THSD7A: variants seen among roughly 807,000 people sequenced by gnomAD.
THSD7A encodes the protein thrombospondin type-1 domain-containing protein 7A.
A neutral mutation model predicts 231.3 loss-of-function variants in THSD7A; 96 were observed. The ratio of observed to expected loss-of-function variants is 0.41; its 90% confidence interval spans 0.35 to 0.49. The LOEUF (loss-of-function observed/expected upper bound fraction) is 0.49. Among genes scored for constraint, THSD7A ranks in the 20% least tolerant of loss-of-function variants. THSD7A has a pLI of 0.05. For synonymous variants in THSD7A, 940 were observed against 743.3 expected, an observed-to-expected ratio of 1.26 and a Z score of -4.30; for missense variants, 2,290 against 2,070.2, an observed-to-expected ratio of 1.11 and a Z score of -2.06.
chr7:11,422,656 A>T (rs1784187869), intron 16 of THSD7A, among the ~76,000 whole-genome samples: 1 of 151,984 alleles, frequency 6.6e-6, no homozygotes, highest in African/African-American at 2.4e-5. Context: ...AAGCTGAAAA[A>T]ACAACCCAGT....
intron 19 of THSD7A, among the ~76,000 whole-genome samples, chr7:11,407,997 T>A (rs1226390641): frequency 6.6e-6 from 1 of 152,222 alleles, no homozygotes; most frequent in African/African-American, 2.4e-5. Context: ...TATGTGCATT[T>A]TTTAAAACAA....
chr7:11,453,326 CTTTTTT>C (rs5882310), intron 11 of THSD7A, among the ~76,000 whole-genome samples: 1 of 146,768 alleles, frequency 6.8e-6, no homozygotes, highest in African/African-American at 2.5e-5. Flanking sequence ...TTTCTTTTAC[CTTTTTT>C]TTTTTTTAAG....
chr7:11,757,283 G>A (rs1490229250), intron 1 of THSD7A, among the ~76,000 whole-genome samples: 1 of 151,926 alleles, frequency 6.6e-6, no homozygotes, highest in Admixed American at 6.6e-5. Context: ...CATATTGGTT[G>A]GCACATATTT....
At chr7:11,539,808 T>A (rs778345359) in intron 6 of THSD7A, among the ~76,000 whole-genome samples, 3 of 152,222 alleles carry the variant, frequency 2.0e-5, no homozygotes, top group Non-Finnish European at 2.9e-5. Context: ...AGAAGTGCCA[T>A]GCAAAGTTAA....
At chr7:11,820,827 G>C in intron 1 of THSD7A, 3 of 983,942 alleles carry the variant, frequency 3.0e-6, no homozygotes, top group Non-Finnish European at 4.9e-6. Context: ...TGCTTCTTCT[G>C]CTTCTTTGAT....
intron 6 of THSD7A, among the ~76,000 whole-genome samples, chr7:11,514,308 A>G (rs1267107405): frequency 6.6e-6 from 1 of 152,172 alleles, no homozygotes; most frequent in Non-Finnish European, 1.5e-5. Flanking sequence ...AGACAGATAC[A>G]TTATTTAAAT....
chr7:11,783,611 G>A (rs1783699194), intron 1 of THSD7A, among the ~76,000 whole-genome samples: 1 of 152,130 alleles, frequency 6.6e-6, no homozygotes, highest in South Asian at 2.1e-4. Flanking sequence ...TCATGCATAG[G>A]CAGGCAAAAC....
intron 6 of THSD7A, among the ~76,000 whole-genome samples, chr7:11,537,611 C>T (rs1788966440): frequency 6.6e-6 from 1 of 150,476 alleles, no homozygotes; most frequent in South Asian, 2.1e-4. Context: ...GAACACCTAA[C>T]AGTGCCATGC....
chr7:11,651,489 AT>A (rs1318865663), intron 1 of THSD7A, among the ~76,000 whole-genome samples: 1 of 39,164 alleles, frequency 2.6e-5, no homozygotes, highest in Non-Finnish European at 8.7e-5. Flanking sequence ...TCTATCAACT[AT>A]CTATCTATCT....
chr7:11,459,280 C>CTTT (rs1785414820), intron 11 of THSD7A, among the ~76,000 whole-genome samples: 1 of 152,056 alleles, frequency 6.6e-6, no homozygotes, highest in East Asian at 1.9e-4. Flanking sequence ...AGAATGGAGA[C>CTTT]TAAAACTTAT....
Position 11,412,757 on chromosome 7 carries a change from A to T in THSD7A, c.3581T>A (p.Ile1194Asn). The change falls in exon 18 of 28, where the codon ATC becomes AAC. Residue 1194 changes from isoleucine to asparagine, a missense_variant. Transcript: ENST00000423059. ...TCTTCCTTCATCAGCTGGTTGTCTG[A>T]TGGGATCAGCTGACCTTTGCCGGAA... ...SSFRQRSADP[I>N]RQPADEGRSC... is the part of the protein sequence containing the mutation. 1 of 1,613,544 alleles carries T rather than the reference A, an allele frequency of 6.2e-7. No homozygotes were observed. Among genetic ancestry groups the T allele is most frequent in the Non-Finnish European group, 8.5e-7 (1 of 1,179,670 alleles).
Position 11,444,185 on chromosome 7 carries a change from C to G in THSD7A, c.3064+1876G>C, listed in dbSNP as rs956507276. On this transcript the variant is annotated intron_variant, in intron 13 of 27. Transcript: ENST00000423059. This position sits in a 1 kb window ranked among gnomAD's most constrained non-coding sequence, Gnocchi z 4.2. ...GCGAGGATGTGGAGAAAGAGGAACA[C>G]TTTTACAATGTTGGTGGGAGTGTAA... Among the ~76,000 whole-genome samples, 4 of 152,092 alleles carry G rather than the reference C, an allele frequency of 2.6e-5. No individual in the cohort carries two copies. Among genetic ancestry groups the G allele is most frequent in the African/African-American group, 9.7e-5 (4 of 41,414 alleles).
At chr7:11,451,744 T>C (rs1440393356) in intron 11 of THSD7A, among the ~76,000 whole-genome samples, 1 of 152,040 alleles carries the variant, frequency 6.6e-6, no homozygotes, top group Non-Finnish European at 1.5e-5. Flanking sequence ...GTGTTATGCA[T>C]ACATGGATGT....
In THSD7A at chr7:11,825,004, C is replaced by T. The variant is rs142491656; in HGVS notation, c.190+6753G>A. Reference sequence around the variant, plus strand: ...TAGTCTTTGGTAAGTGCTGTCTACACATAAGTGCCAAACTAATAAAAAATA... The same window carrying T: ...TAGTCTTTGGTAAGTGCTGTCTACATATAAGTGCCAAACTAATAAAAAATA... On this transcript the variant is annotated intron_variant, in intron 1 of 27. Coordinates refer to ENST00000423059, the MANE Select transcript of THSD7A (RefSeq NM_015204.3). Among the ~76,000 whole-genome samples the T allele has an allele frequency of 9.5e-4, 144 of 152,118 alleles. 1 individual carries two copies. Among genetic ancestry groups the T allele is most frequent in the South Asian group, 5.6e-3 (27 of 4,826 alleles).
intron 1 of THSD7A, among the ~76,000 whole-genome samples, chr7:11,752,058 T>G (rs934996381): frequency 6.6e-6 from 1 of 152,072 alleles, no homozygotes; most frequent in Admixed American, 6.6e-5. Context: ...CATCAAATAT[T>G]TATTGAGAGA....
At chr7:11,586,218 C>A (rs1340328913) in intron 4 of THSD7A, among the ~76,000 whole-genome samples, 1 of 152,098 alleles carries the variant, frequency 6.6e-6, no homozygotes, top group Non-Finnish European at 1.5e-5. Context: ...TTATAGTATA[C>A]TAGTGAAAGT....
chr7:11,395,720 G>T (rs947527623), intron 23 of THSD7A, among the ~76,000 whole-genome samples: 4 of 151,892 alleles, frequency 2.6e-5, no homozygotes, highest in Admixed American at 1.3e-4. Flanking sequence ...TAGAGATGGG[G>T]TTTCACCATA....
chr7:11,824,581 G>A (rs1047556717), intron 1 of THSD7A, among the ~76,000 whole-genome samples: 3 of 152,090 alleles, frequency 2.0e-5, no homozygotes. Flanking sequence ...TTCAGAAGGA[G>A]TGACCTAAGT....
rs1786097361 is a variant in THSD7A, at chr7:11,474,971, A to G, written c.2018-403T>C. On this transcript the variant is annotated intron_variant, in intron 7 of 27. Transcript: ENST00000423059. The surrounding 1 kb of genome is among the most constrained non-coding windows in gnomAD (Gnocchi z 4.1). ...AAAAATTTTGAAGGAGTAGGATTTC[A>G]ATAAGCAGAATTCTGGGAAGGGACA... is the stretch of plus-strand genomic sequence containing the variant. Among the ~76,000 whole-genome samples, 1 of 152,192 alleles carries G rather than the reference A, an allele frequency of 6.6e-6. No homozygotes were observed. Among genetic ancestry groups the G allele is most frequent in the South Asian group, 2.1e-4 (1 of 4,830 alleles).
Sources: gnomAD v4.1 joint callset for allele counts (sites outside exome capture counted in the v4.1 genomes callset) on GRCh38, gnomAD v4.1.1 for gene constraint, Gnocchi (gnomAD v3.1) non-coding constraint, MANE v1.5 for transcripts, NCBI Gene and HGNC (gene_info 2026-07-23, HGNC 2026-07-21) for gene names.